The following INSYN2B variants were observed in gnomAD, a reference collection of about 807,000 sequenced individuals.
INSYN2B encodes inhibitory synaptic factor family member 2B.
In INSYN2B, 16 loss-of-function variants were observed where a neutral mutation model predicts 41.2. That is an observed-to-expected ratio of 0.39 (90% CI 0.26 to 0.59). INSYN2B has a LOEUF of 0.59. Ranked by LOEUF, INSYN2B falls within the 20% of genes least tolerant of loss-of-function variation. The probability of loss-of-function intolerance (pLI) is 0.57; values close to 1 mark genes in which losing one functional copy is unlikely to be tolerated. For synonymous variants in INSYN2B, 245 were observed against 244.4 expected (o/e 1.00, Z -0.02); for missense variants, 608 against 646.4 (o/e 0.94, Z 0.64).
chr5:169,885,344 C>T (rs895787846), intron 1 of INSYN2B, among the ~76,000 whole-genome samples: 1 of 152,158 alleles, frequency 6.6e-6, no homozygotes, highest in Non-Finnish European at 1.5e-5. Flanking sequence ...GGTGCTTAAG[C>T]AGAATTTGTT....
chr5:169,870,967 G>C (rs963365533), intron 3 of INSYN2B, among the ~76,000 whole-genome samples: 1 of 152,152 alleles, frequency 6.6e-6, no homozygotes, highest in Non-Finnish European at 1.5e-5. Flanking sequence ...TCAAAGTGCT[G>C]TTAGTTGGGT....
At chr5:169,974,178 T>C (rs944560808) in intron 1 of INSYN2B, among the ~76,000 whole-genome samples, 1 of 152,192 alleles carries the variant, frequency 6.6e-6, no homozygotes, top group Non-Finnish European at 1.5e-5. Context: ...TCTCTGTTCG[T>C]TGGTTTTCTT....
chr5:169,886,327 C>T (rs756069068), intron 1 of INSYN2B, among the ~76,000 whole-genome samples: 8 of 152,060 alleles, frequency 5.3e-5, no homozygotes, highest in Non-Finnish European at 1.2e-4. Flanking sequence ...CTACTGGTCC[C>T]GAGTTGCTTT....
chr5:169,905,296 T>TG (rs1554115681), intron 1 of INSYN2B, among the ~76,000 whole-genome samples: 7 of 149,712 alleles, frequency 4.7e-5, no homozygotes, highest in Non-Finnish European at 1.0e-4. Context: ...AGCCAGTGTT[T>TG]TTTTTTTTTT....
chr5:169,944,771 C>T (rs1776379064), intron 1 of INSYN2B, among the ~76,000 whole-genome samples: 1 of 152,178 alleles, frequency 6.6e-6, no homozygotes, highest in African/African-American at 2.4e-5. Flanking sequence ...GCTCTAGAAG[C>T]ACCTTGTGCT....
At chr5:169,864,562 A>C in intron 3 of INSYN2B, 103 bp from the exon 4 acceptor site, 1 of 946,240 alleles carries the variant, frequency 1.1e-6, no homozygotes, top group Non-Finnish European at 1.5e-6. Context: ...GAGCTTTGGG[A>C]TCAAATCCTA....
At chr5:169,974,977 A>G (rs1282324690) in intron 1 of INSYN2B, among the ~76,000 whole-genome samples, 1 of 152,134 alleles carries the variant, frequency 6.6e-6, no homozygotes, top group Non-Finnish European at 1.5e-5. Context: ...CCAGACTTGA[A>G]TGGCTTTAAC....
intron 1 of INSYN2B, among the ~76,000 whole-genome samples, chr5:169,966,603 A>G (rs994276827): frequency 1.3e-5 from 2 of 152,194 alleles, no homozygotes; most frequent in Admixed American, 1.3e-4. Flanking sequence ...CACACTCAGC[A>G]TAGGACCTGG....
At chr5:169,970,268 A>G (rs896519298) in intron 1 of INSYN2B, among the ~76,000 whole-genome samples, 1 of 152,210 alleles carries the variant, frequency 6.6e-6, no homozygotes, top group Non-Finnish European at 1.5e-5. Flanking sequence ...CTTTTTTTTG[A>G]AAGACAAAAT....
chr5:169,887,265 T>C (rs761883673), intron 1 of INSYN2B, among the ~76,000 whole-genome samples: 59 of 152,230 alleles, frequency 3.9e-4, no homozygotes, highest in Non-Finnish European at 2.1e-4. Context: ...TTATGTATCC[T>C]TTAGATGTTT....
chr5:169,927,741 C>T (rs183306934), intron 1 of INSYN2B, among the ~76,000 whole-genome samples: 3,447 of 152,288 alleles, frequency 0.023, 130 homozygotes, highest in African/African-American at 0.079. Flanking sequence ...CTCAGCCTCC[C>T]GAGTAGCTGG....
At chr5:169,905,295 T>TG (rs1009344556) in intron 1 of INSYN2B, among the ~76,000 whole-genome samples, 23 of 106,988 alleles carry the variant, frequency 2.1e-4, no homozygotes, top group African/African-American at 9.7e-4. Context: ...GAGCCAGTGT[T>TG]TTTTTTTTTT....
At chr5:169,961,978 C>CTAAAAAAAAAAAAAAA in intron 1 of INSYN2B, among the ~76,000 whole-genome samples, 2 of 74,654 alleles carry the variant, frequency 2.7e-5, no homozygotes, top group South Asian at 5.0e-4. Context: ...GACTCTGTCC[C>CTAAAAAAAAAAAAAAA]AAAAAAAAAA....
At chr5:169,949,867 A>T (rs1441665852) in intron 1 of INSYN2B, among the ~76,000 whole-genome samples, 1 of 151,950 alleles carries the variant, frequency 6.6e-6, no homozygotes, top group Non-Finnish European at 1.5e-5. Context: ...AAATGCAAAT[A>T]GACTCTTCAC....
chr5:169,958,671 G>A (rs1437469720), intron 1 of INSYN2B, among the ~76,000 whole-genome samples: 3 of 151,980 alleles, frequency 2.0e-5, no homozygotes, highest in African/African-American at 4.8e-5. Flanking sequence ...AGTGTTAGGC[G>A]TGGAGCTCTC....
chr5:169,878,647 T>C (rs1772464490), intron 3 of INSYN2B, among the ~76,000 whole-genome samples: 1 of 152,230 alleles, frequency 6.6e-6, no homozygotes, highest in Non-Finnish European at 1.5e-5. Flanking sequence ...TTGAAATAAA[T>C]TTGAAAAGAG....
At chr5:169,967,496 G>C (rs1310452342) in intron 1 of INSYN2B, among the ~76,000 whole-genome samples, 1 of 152,142 alleles carries the variant, frequency 6.6e-6, no homozygotes, top group Non-Finnish European at 1.5e-5. Flanking sequence ...AGTTTAAAGG[G>C]AAGAGTAGGA....
At chr5:169,976,458 G>A (rs1323341428) in intron 1 of INSYN2B, among the ~76,000 whole-genome samples, 2 of 152,120 alleles carry the variant, frequency 1.3e-5, no homozygotes, top group South Asian at 2.1e-4. Flanking sequence ...CTTGGTGGTC[G>A]CTATTGAGAT....
intron 3 of INSYN2B, among the ~76,000 whole-genome samples, chr5:169,876,972 A>G (rs1772370280): frequency 6.6e-6 from 1 of 152,236 alleles, no homozygotes; most frequent in African/African-American, 2.4e-5. Flanking sequence ...AAAGAAACTT[A>G]TAAACACCAT....
Sources: gnomAD v4.1 joint callset for allele counts (sites outside exome capture counted in the v4.1 genomes callset) on GRCh38, gnomAD v4.1.1 for gene constraint, MANE v1.5 for transcripts, NCBI Gene and HGNC (gene_info 2026-07-23, HGNC 2026-07-21) for gene names.